TCN1: variants seen among roughly 807,000 people sequenced by gnomAD.
TCN1 encodes transcobalamin-1.
A neutral mutation model predicts 46.3 loss-of-function variants in TCN1; 47 were observed. That is an observed-to-expected ratio of 1.01 (90% CI 0.80 to 1.29). The LOEUF (loss-of-function observed/expected upper bound fraction) is 1.29. TCN1 is among the 50% of genes most tolerant of loss of function. TCN1 has a pLI of 0.00. For missense variants in TCN1, 532 were observed against 511.0 expected (o/e 1.04, Z -0.40); for synonymous variants, 183 against 192.5 (o/e 0.95, Z 0.41).
intron 1 of TCN1, 59 bp from the exon 2 acceptor site, chr11:59,864,145 G>C (rs1367043956): frequency 6.4e-7 from 1 of 1,561,514 alleles, no homozygotes; most frequent in African/African-American, 1.4e-5. Context: ...AAGACTTGCA[G>C]CAGGGGTTAT....
chr11:59,866,149 G>A (rs780506032), intron 1 of TCN1, among the ~76,000 whole-genome samples: 5 of 152,156 alleles, frequency 3.3e-5, no homozygotes, highest in Non-Finnish European at 5.9e-5. Flanking sequence ...CTGTGCTAGA[G>A]AGGATCTGAG....
rs111246786 is a variant in TCN1, at chr11:59,862,319, ATG to A, written c.400+261_400+262del. ...AGAGAATGGTGACTTGTGTGTGTGC[ATG>A]TGTGTGTGTGTGTGTATGTGTGTGT... On this transcript the variant is annotated intron_variant, in intron 3 of 8. Transcript: ENST00000257264. Among the ~76,000 whole-genome samples, 1,190 of 150,242 alleles carry A rather than the reference ATG, an allele frequency of 7.9e-3. 18 individuals are homozygous for A. The highest frequency in any genetic ancestry group is 0.027 in the African/African-American group (1,101 of 41,144).
intron 5 of TCN1, among the ~76,000 whole-genome samples, chr11:59,858,316 G>A (rs1360084755): frequency 6.8e-6 from 1 of 147,168 alleles, no homozygotes; most frequent in Non-Finnish European, 1.5e-5. Flanking sequence ...TCAGAATTAT[G>A]CACAATTTAA....
rs1472554834 is a variant in TCN1 at position 59,864,065 on chromosome 11, A to T, written c.101T>A (p.Ile34Asn). The T allele has an allele frequency of 6.2e-7, 1 of 1,613,888 alleles. No individual in the cohort carries two copies. Among genetic ancestry groups the T allele is most frequent in the Non-Finnish European group, 8.5e-7 (1 of 1,179,766 alleles). Reference sequence around the variant, plus strand: ...TGTATTCAACAGAGGTTTTAGGCGGATGTAGTTTTCTTCACTTACCTCTGT... The same window carrying T: ...TGTATTCAACAGAGGTTTTAGGCGGTTGTAGTTTTCTTCACTTACCTCTGT... ...EICEVSEENY[I>N]RLKPLLNTMI... is the part of the protein sequence containing the mutation. The change falls in exon 2 of 9, where the codon ATC becomes AAC. Residue 34 changes from isoleucine (I) to asparagine (N), a missense_variant. Transcript: ENST00000257264.
chr11:59,860,208 C>T (rs935332142), intron 4 of TCN1, among the ~76,000 whole-genome samples: 4 of 152,120 alleles, frequency 2.6e-5, no homozygotes, highest in Non-Finnish European at 4.4e-5. Flanking sequence ...GATCTCCCTG[C>T]GAACTCTGCC....
intron 4 of TCN1, among the ~76,000 whole-genome samples, chr11:59,860,381 G>A (rs903043210): frequency 6.0e-5 from 9 of 151,174 alleles, no homozygotes; most frequent in Non-Finnish European, 1.3e-4. Flanking sequence ...CACCCGCCTC[G>A]GCCTCCCAAA....
intron 4 of TCN1, among the ~76,000 whole-genome samples, chr11:59,860,382 G>T (rs999940306): frequency 6.6e-6 from 1 of 151,766 alleles, no homozygotes; most frequent in African/African-American, 2.4e-5. Flanking sequence ...ACCCGCCTCG[G>T]CCTCCCAAAG....
At chr11:59,863,335 G>A (rs141411985) in intron 2 of TCN1, among the ~76,000 whole-genome samples, 1 of 151,770 alleles carries the variant, frequency 6.6e-6, no homozygotes, top group Admixed American at 6.6e-5. Context: ...CAAGATCTTG[G>A]GTTTTTTTTT....
At chr11:59,863,193 C>T (rs577685710) in intron 2 of TCN1, among the ~76,000 whole-genome samples, 99 of 152,260 alleles carry the variant, frequency 6.5e-4, no homozygotes, top group Non-Finnish European at 9.6e-4. Context: ...TCTTTATCCT[C>T]AAAGCAGAGC....
Position 59,853,287 on chromosome 11 carries a change from T to C in TCN1, c.1156A>G (p.Ile386Val), listed in dbSNP as rs377489409. Residue 386 changes from isoleucine to valine, a missense_variant, in exon 8 of 9, where the codon ATC (isoleucine) becomes GTC (valine). Ile to Val is a conservative substitution (Grantham distance 29). Transcript: ENST00000257264. Reference protein sequence around the residue: ...TMEERSWGPYITCIQGLCANN... With the variant: ...TMEERSWGPYVTCIQGLCANN... ...GCACATAGGCCCTGAATACAGGTGA[T>C]ATAGGGCCCCCATGAGCGCTCCTCC... The C allele has an allele frequency of 9.7e-5, 157 of 1,613,968 alleles. No homozygotes were observed. The highest frequency in any genetic ancestry group is 1.3e-4 in the Non-Finnish European group (151 of 1,180,016).
Position 59,853,250 on chromosome 11 carries a change from T to C in TCN1, c.1193A>G (p.Asp398Gly). The part of the protein sequence containing the change: ...CIQGLCANNN[D>G]RTYWELLSGG... ...ACTCAGAAGTTCCCAGTAGGTTCTG[T>C]CATTATTGTTGGCACATAGGCCCTG... is the stretch of plus-strand genomic sequence containing the variant. Residue 398 changes from aspartate to glycine, a missense_variant, in exon 8 of 9, where the codon GAC (aspartate) becomes GGC (glycine). Transcript: ENST00000257264. 6.2e-7 allele frequency: 1 copy of C among 1,614,112 alleles called. No homozygotes were observed.
chr11:59,855,644 G>C (rs1268409598), intron 6 of TCN1, among the ~76,000 whole-genome samples: 1 of 152,146 alleles, frequency 6.6e-6, no homozygotes, highest in African/African-American at 2.4e-5. Flanking sequence ...AATCAGGTCT[G>C]CCTTGTTAAT....
chr11:59,854,574 T>A, intron 7 of TCN1, 78 bp downstream of exon 7: 2 of 1,456,360 alleles, frequency 1.4e-6, no homozygotes, highest in Non-Finnish European at 1.9e-6. Flanking sequence ...ATACTTTGTA[T>A]TTAGGTGCAA....
At chr11:59,864,221 G>T in intron 1 of TCN1, 135 bp from the exon 2 acceptor site, 1 of 1,002,860 alleles carries the variant, frequency 1.0e-6, no homozygotes, top group Non-Finnish European at 1.5e-6. Context: ...GACTGTGTTG[G>T]TGGAATAATA....
Position 59,861,516 on chromosome 11 carries a change from T to C in TCN1, c.556+11A>G. 6.2e-7 allele frequency: 1 copy of C among 1,613,882 alleles called. No homozygotes were observed. Among genetic ancestry groups the C allele is most frequent in the Non-Finnish European group, 8.5e-7 (1 of 1,179,800 alleles). On this transcript the variant is annotated intron_variant, in intron 4 of 8. Transcript: ENST00000257264. ...TCCTCTGTACCAAGGGAATTGGGCT[T>C]AGTAACTCACCTACTGAGAACTGGC... is the stretch of plus-strand genomic sequence containing the variant.
At chr11:59,860,233 G>A (rs1196781470) in intron 4 of TCN1, among the ~76,000 whole-genome samples, 2 of 152,068 alleles carry the variant, frequency 1.3e-5, no homozygotes, top group African/African-American at 4.8e-5. Flanking sequence ...GGGTTCTAGT[G>A]ATTCTCCTGC....
chr11:59,856,139 G>C, intron 5 of TCN1, 81 bp from the exon 6 acceptor site: 1 of 1,167,024 alleles, frequency 8.6e-7, no homozygotes. Context: ...CAAATAAGGG[G>C]GAAGCCTTAT....
chr11:59,865,761 C>A (rs1294512180), intron 1 of TCN1, among the ~76,000 whole-genome samples: 1 of 152,102 alleles, frequency 6.6e-6, no homozygotes, highest in African/African-American at 2.4e-5. Context: ...TCAAACTAAA[C>A]CTGAATTTAG....
Position 59,862,635 on chromosome 11 carries a change from T to C in TCN1, c.347A>G (p.Tyr116Cys), listed in dbSNP as rs1853027512. The change falls in exon 3 of 9, where the codon TAC (tyrosine) becomes TGC (cysteine). Residue 116 changes from tyrosine (Y) to cysteine (C), a missense_variant. Coordinates refer to ENST00000257264, the MANE Select transcript of TCN1 (RefSeq NM_001062.4). Reference sequence around the variant, plus strand: ...ATTTTCTAGCTTGTCGATCAGGTGGTAATCATATATTAAGTTTTCCTCAGC... The same window carrying C: ...ATTTTCTAGCTTGTCGATCAGGTGGCAATCATATATTAAGTTTTCCTCAGC... ...RNAEENLIYD[Y>C]HLIDKLENKF... 6.2e-7 allele frequency: 1 copy of C among 1,613,654 alleles called. No individual in the cohort carries two copies. The highest frequency in any genetic ancestry group is 1.3e-5 in the African/African-American group (1 of 74,886).
Sources: allele counts gnomAD v4.1 joint callset (sites outside exome capture counted in the v4.1 genomes callset), GRCh38; gene constraint gnomAD v4.1.1; transcripts MANE v1.5; gene names NCBI Gene and HGNC (gene_info 2026-07-23, HGNC 2026-07-21).